BPNT2: variants seen among roughly 807,000 people sequenced by gnomAD.
BPNT2 encodes the protein 3'(2'), 5'-bisphosphate nucleotidase 2, also known as Golgi-resident adenosine 3',5'-bisphosphate 3'-phosphatase.
BPNT2 carries 11 observed loss-of-function variants against 29.3 expected under a neutral mutation model. The ratio of observed to expected loss-of-function variants is 0.38; its 90% CI spans 0.24 to 0.62. The LOEUF (loss-of-function observed/expected upper bound fraction) is 0.62, where lower values mean the gene tolerates loss of function less well. BPNT2 is among the 20% of genes least tolerant of loss of function. The pLI is 0.62. For synonymous variants in BPNT2, 195 were observed against 187.7 expected (o/e 1.04, Z -0.32); for missense variants, 459 against 473.4 (o/e 0.97, Z 0.28).
chr8:56,993,298 C>G lies in BPNT2; in HGVS notation c.288G>C (p.Gly96=), dbSNP rs1337586932. The stretch of plus-strand genomic sequence containing the variant: ...TGTCCTCGGCTCCCTCGCGCGTCTT[C>G]CCCTTGGACTTCTCGTGGAGGACGT... The part of the protein sequence containing the change: ...ESNVLHEKSK[G]KTREGAEDKM... Residue 96 remains glycine, a synonymous_variant, in exon 1 of 5, where the codon GGG becomes GGC. Transcript: ENST00000262644. The G allele has an allele frequency of 6.2e-7, 1 of 1,612,280 alleles. No homozygotes were observed. Among genetic ancestry groups the G allele is most frequent in the South Asian group, 1.1e-5 (1 of 91,072 alleles).
chr8:56,983,857 GA>G (rs1363604406), intron 1 of BPNT2, among the ~76,000 whole-genome samples: 1 of 150,982 alleles, frequency 6.6e-6, no homozygotes, highest in Non-Finnish European at 1.5e-5. Flanking sequence ...GGGAAGAGGG[GA>G]AAAAAAATAC....
rs1010153675 is a variant in BPNT2, at chr8:56,980,239, C to T, written c.388-42G>A. The T allele has an allele frequency of 8.0e-6, 12 of 1,499,312 alleles. No homozygotes were observed. In the African/African-American group the frequency reaches 1.5e-4, roughly 19 times the overall value. 92.9% of individuals were successfully genotyped at this position (1,499,312 alleles called of 1,614,324 possible). A position where few individuals can be genotyped will look rare whatever the true frequency, so the allele number is the denominator to read the frequency against. On this transcript the variant is annotated intron_variant, in intron 1 of 4. Transcript: ENST00000262644. Reference sequence around the variant, plus strand: ...TGACAGTTAAAAAAAGTAAGACGAACAATCACTATTTGATAAACTACAAAA... The same window carrying T: ...TGACAGTTAAAAAAAGTAAGACGAATAATCACTATTTGATAAACTACAAAA...
intron 1 of BPNT2, among the ~76,000 whole-genome samples, chr8:56,992,711 A>G: frequency 1.4e-5 from 1 of 70,368 alleles, no homozygotes. Flanking sequence ...GACTCCCGCG[A>G]GCGCACACAC....
At chr8:56,969,763 A>C (rs899874917) in intron 3 of BPNT2, among the ~76,000 whole-genome samples, 1 of 152,192 alleles carries the variant, frequency 6.6e-6, no homozygotes, top group Non-Finnish European at 1.5e-5. Flanking sequence ...AAAAGAACAA[A>C]TTTAACTTAA....
At chr8:56,976,552 T>C (rs376048786) in intron 3 of BPNT2, among the ~76,000 whole-genome samples, 1 of 152,092 alleles carries the variant, frequency 6.6e-6, no homozygotes, top group African/African-American at 2.4e-5. Flanking sequence ...TAAAAATTAT[T>C]TGAATTATGA....
At chr8:56,983,659 A>T (rs74747028) in intron 1 of BPNT2, among the ~76,000 whole-genome samples, 8,666 of 152,274 alleles carry the variant, frequency 0.057, 354 homozygotes, top group Non-Finnish European at 0.083. Flanking sequence ...AAACCAATCC[A>T]TAATATGAAG....
chr8:56,989,189 T>C (rs1806371900), intron 1 of BPNT2, among the ~76,000 whole-genome samples: 1 of 151,796 alleles, frequency 6.6e-6, no homozygotes, highest in Non-Finnish European at 1.5e-5. Context: ...ATTATTCTCA[T>C]GGTGAAACCC....
chr8:56,988,223 A>AT (rs2129206735), intron 1 of BPNT2, among the ~76,000 whole-genome samples: 1 of 152,314 alleles, frequency 6.6e-6, no homozygotes, highest in Non-Finnish European at 1.5e-5. Context: ...CTTAGGAAAC[A>AT]TAATACACCT....
Position 56,966,828 on chromosome 8 carries a change from G to T in BPNT2, c.647-476C>A, listed in dbSNP as rs550004679. On this transcript the variant is annotated intron_variant, in intron 3 of 4. Coordinates refer to ENST00000262644, the MANE Select transcript of BPNT2 (RefSeq NM_017813.5). ...ACTTCCCTAACTCCAATTTTAAAAT[G>T]CATTTTCTCCTATACTGCCTCCACT... 3.2e-4 allele frequency among the ~76,000 whole-genome samples: 49 copies of T among 152,196 alleles called. No individual in the cohort carries two copies. In the South Asian group the frequency reaches 7.7e-3, roughly 24 times the overall value.
chr8:56,967,056 T>C, intron 3 of BPNT2: 1 of 417,894 alleles, frequency 2.4e-6, no homozygotes. Context: ...ATGATTTTCC[T>C]GGTTTGGAAG....
intron 3 of BPNT2, among the ~76,000 whole-genome samples, chr8:56,971,013 G>T (rs1354418959): frequency 6.6e-6 from 1 of 151,932 alleles, no homozygotes; most frequent in African/African-American, 2.4e-5. Flanking sequence ...TTGTGTAAGA[G>T]AATAAAAATA....
chr8:56,993,614 C>A lies in BPNT2; in HGVS notation c.-29G>T, dbSNP rs756298010. 2 of 1,389,834 alleles carry A rather than the reference C, an allele frequency of 1.4e-6. No homozygotes were observed. The highest frequency in any genetic ancestry group is 2.6e-5 in the Admixed American group (1 of 37,866). 86.1% of individuals were successfully genotyped at this position (1,389,834 alleles called of 1,614,324 possible). On this transcript the variant is annotated 5_prime_UTR_variant, in exon 1 of 5. Coordinates refer to ENST00000262644, the MANE Select transcript of BPNT2 (RefSeq NM_017813.5). The stretch of plus-strand genomic sequence containing the variant: ...GTGGGAAGCCGGGCGCTCCGGGCTG[C>A]GGCTCTCACAGGCCTCCAGCGCCCG...
Position 56,961,452 on chromosome 8 carries a change from T to C in BPNT2, c.*2341A>G, listed in dbSNP as rs1425730363. The stretch of plus-strand genomic sequence containing the variant: ...GTACTTAAAAAAAATCATTAGTAAC[T>C]AGACTATACCCAACATATTATAAAA... On this transcript the variant is annotated 3_prime_UTR_variant, in exon 5 of 5. Transcript: ENST00000262644. 6.6e-6 allele frequency: 1 copy of C among 152,162 alleles called. No homozygotes were observed. Among genetic ancestry groups the C allele is most frequent in the Non-Finnish European group, 1.5e-5 (1 of 68,040 alleles). 9.4% of individuals were successfully genotyped at this position (152,162 alleles called of 1,614,324 possible). A position where few individuals can be genotyped will look rare whatever the true frequency, so the allele number is the denominator to read the frequency against.
chr8:56,973,528 G>A (rs1426156665), intron 3 of BPNT2, among the ~76,000 whole-genome samples: 1 of 152,100 alleles, frequency 6.6e-6, no homozygotes, highest in East Asian at 1.9e-4. Context: ...TACAACAGAG[G>A]CAATCAAGAA....
intron 4 of BPNT2, among the ~76,000 whole-genome samples, chr8:56,965,077 TG>T (rs1234565828): frequency 6.6e-6 from 1 of 152,206 alleles, no homozygotes; most frequent in Non-Finnish European, 1.5e-5. Context: ...CCTAGCACTT[TG>T]GGAGGCCACA....
chr8:56,964,127 T>C, intron 4 of BPNT2, 63 bp from the exon 5 acceptor site: 2 of 1,194,280 alleles, frequency 1.7e-6, no homozygotes, highest in Non-Finnish European at 1.2e-6. Context: ...AGCATACTTT[T>C]TTGATTAAGT....
intron 3 of BPNT2, among the ~76,000 whole-genome samples, chr8:56,970,104 T>A (rs867313315): frequency 1.3e-5 from 2 of 152,164 alleles, no homozygotes; most frequent in South Asian, 4.1e-4. Flanking sequence ...AAAACTATTA[T>A]GCAAAAGGTT....
At chr8:56,965,588 A>G (rs541236650) in intron 4 of BPNT2, among the ~76,000 whole-genome samples, 1 of 152,352 alleles carries the variant, frequency 6.6e-6, no homozygotes, top group South Asian at 2.1e-4. Flanking sequence ...AAATCAAATA[A>G]TAGTATGCAA....
intron 3 of BPNT2, chr8:56,967,333 CAAG>C (rs961606227): frequency 1.1e-5 from 5 of 437,016 alleles, no homozygotes; most frequent in Admixed American, 2.5e-5. Flanking sequence ...TACACAGCAA[CAAG>C]AAGAACAAAT....
Sources: gnomAD v4.1 joint callset for allele counts (sites outside exome capture counted in the v4.1 genomes callset) on GRCh38, gnomAD v4.1.1 for gene constraint, MANE v1.5 for transcripts, NCBI Gene and HGNC (gene_info 2026-07-23, HGNC 2026-07-21) for gene names.